The following CIMIP6 variants were observed in gnomAD, a reference collection of about 807,000 sequenced individuals.
CIMIP6 encodes ciliary microtubule inner protein 6, also known as uncharacterized protein C2orf73.
At chr2:54,360,685 GA>G in the CIMIP6 span, 6 of 1,018,002 alleles carry the variant, frequency 5.9e-6, no homozygotes, top group Non-Finnish European at 8.1e-6. Context: ...TATGTAAATG[GA>G]AAAAGAGAAA....
the CIMIP6 span, among the ~76,000 whole-genome samples, chr2:54,353,075 T>C: frequency 6.6e-6 from 1 of 152,238 alleles, no homozygotes; most frequent in Non-Finnish European, 1.5e-5. Context: ...AACATCACTA[T>C]AACTTAAATT....
chr2:54,370,858 C>T, the CIMIP6 span, among the ~76,000 whole-genome samples: 2 of 152,186 alleles, frequency 1.3e-5, no homozygotes, highest in East Asian at 1.9e-4. Context: ...CAACTTTGGC[C>T]GTACCCAGGG....
the CIMIP6 span, among the ~76,000 whole-genome samples, chr2:54,356,729 G>A: frequency 6.6e-6 from 1 of 152,068 alleles, no homozygotes; most frequent in Non-Finnish European, 1.5e-5. Context: ...ATTTTAGAGA[G>A]GAGGAAATAG....
the CIMIP6 span, among the ~76,000 whole-genome samples, chr2:54,376,210 CTT>C: frequency 0.24 from 35,730 of 147,108 alleles, 4,693 homozygotes; most frequent in East Asian, 0.48. Flanking sequence ...TGATTTCTAC[CTT>C]TTTTTTTTTT....
the CIMIP6 span, among the ~76,000 whole-genome samples, chr2:54,376,504 C>T: frequency 6.6e-6 from 1 of 152,192 alleles, no homozygotes; most frequent in Admixed American, 6.5e-5. Context: ...CTGGAATAGA[C>T]ATGATTTTAC....
At chr2:54,348,045 G>A in the CIMIP6 span, among the ~76,000 whole-genome samples, 3 of 152,106 alleles carry the variant, frequency 2.0e-5, no homozygotes, top group Non-Finnish European at 2.9e-5. Context: ...ATTGTACTGG[G>A]GCTTGGGGAA....
At chr2:54,348,863 T>C in the CIMIP6 span, among the ~76,000 whole-genome samples, 1 of 152,230 alleles carries the variant, frequency 6.6e-6, no homozygotes, top group Admixed American at 6.5e-5. Flanking sequence ...TGTTATCTTG[T>C]GCCGACAATT....
the CIMIP6 span, among the ~76,000 whole-genome samples, chr2:54,378,317 C>T: frequency 6.6e-6 from 1 of 152,238 alleles, no homozygotes; most frequent in African/African-American, 2.4e-5. Context: ...TGCGAAAAAT[C>T]CCAGCCTCAC....
chr2:54,375,242 C>G, the CIMIP6 span, among the ~76,000 whole-genome samples: 27 of 151,932 alleles, frequency 1.8e-4, no homozygotes, highest in Admixed American at 3.9e-4. Context: ...TGTAAGATAA[C>G]AAAGTATTAA....
chr2:54,379,050 C>G, the CIMIP6 span, among the ~76,000 whole-genome samples: 1 of 152,140 alleles, frequency 6.6e-6, no homozygotes, highest in African/African-American at 2.4e-5. Context: ...GAATAATAAA[C>G]CAACGAAGAA....
the CIMIP6 span, chr2:54,381,864 G>A: frequency 6.5e-7 from 1 of 1,545,914 alleles, no homozygotes; most frequent in Admixed American, 2.0e-5. Context: ...TTGAGAAAAG[G>A]AGCCAAGACT....
the CIMIP6 span, among the ~76,000 whole-genome samples, chr2:54,366,385 A>C: frequency 6.6e-6 from 1 of 152,214 alleles, no homozygotes; most frequent in Admixed American, 6.5e-5. Context: ...TGTATGAGAA[A>C]GAAATAAACT....
chr2:54,360,484 C>T, the CIMIP6 span: 41 of 1,574,746 alleles, frequency 2.6e-5, no homozygotes, highest in Admixed American at 3.0e-4. Flanking sequence ...AGACCTCAGG[C>T]GCCACTCAAA....
chr2:54,331,032 C>T, the CIMIP6 span: 10 of 1,612,624 alleles, frequency 6.2e-6, no homozygotes, highest in African/African-American at 8.0e-5. Flanking sequence ...TCTTATTTCC[C>T]TTTCCAAAAA....
the CIMIP6 span, among the ~76,000 whole-genome samples, chr2:54,345,370 A>G: frequency 1.3e-5 from 2 of 152,192 alleles, no homozygotes; most frequent in Non-Finnish European, 2.9e-5. Context: ...AACAAGGTTT[A>G]CTTGTCTAGA....
At chr2:54,374,825 C>T in the CIMIP6 span, among the ~76,000 whole-genome samples, 3 of 152,156 alleles carry the variant, frequency 2.0e-5, no homozygotes, top group Non-Finnish European at 4.4e-5. Flanking sequence ...TTCAGTTTTC[C>T]GCTGGCCCCT....
chr2:54,337,932 CAT>C, the CIMIP6 span, among the ~76,000 whole-genome samples: 1 of 152,072 alleles, frequency 6.6e-6, no homozygotes, highest in Non-Finnish European at 1.5e-5. Flanking sequence ...ATTTTAAAAA[CAT>C]AGCCTGGGCA....
At chr2:54,377,862 T>G in the CIMIP6 span, among the ~76,000 whole-genome samples, 1 of 152,212 alleles carries the variant, frequency 6.6e-6, no homozygotes, top group Non-Finnish European at 1.5e-5. Context: ...TAATAATATT[T>G]ATTAGCTGTG....
At chr2:54,348,467 T>G in the CIMIP6 span, among the ~76,000 whole-genome samples, 1 of 152,196 alleles carries the variant, frequency 6.6e-6, no homozygotes, top group South Asian at 2.1e-4. Flanking sequence ...AAGTTCATTA[T>G]TGTATCCTAG....
Sources: allele counts gnomAD v4.1 joint callset (sites outside exome capture counted in the v4.1 genomes callset), GRCh38; gene constraint gnomAD v4.1.1; transcripts MANE v1.5; gene names NCBI Gene and HGNC (gene_info 2026-07-23, HGNC 2026-07-21).